Variants in WDPCP observed in about 807,000 individuals in gnomAD.
WDPCP encodes the protein WD repeat containing planar cell polarity effector.
In WDPCP, 71 loss-of-function variants were observed where a neutral mutation model predicts 93.1. The observed-to-expected ratio is 0.76, with a 90% CI of 0.63 to 0.93. The LOEUF is 0.93. Ranked by LOEUF, WDPCP falls within the 40% of genes least tolerant of loss-of-function variation. WDPCP has a pLI of 0.00. For missense variants in WDPCP, 844 were observed against 887.4 expected, an observed-to-expected ratio of 0.95 and a Z score of 0.62; for synonymous variants, 315 against 315.0, an observed-to-expected ratio of 1.00 and a Z score of 0.00.
At chr2:63,807,490 G>A (rs1038740686) in intron 2 of WDPCP, among the ~76,000 whole-genome samples, 9 of 152,084 alleles carry the variant, frequency 5.9e-5, no homozygotes, top group Admixed American at 2.6e-4. Context: ...CTGGCACCAC[G>A]CTTCTTATAT....
chr2:63,428,098 A>T (rs1696454230), intron 9 of WDPCP, among the ~76,000 whole-genome samples: 1 of 151,922 alleles, frequency 6.6e-6, no homozygotes, highest in South Asian at 2.1e-4. Flanking sequence ...CCTACCAACC[A>T]AAAAAAGCCT....
intron 3 of WDPCP, among the ~76,000 whole-genome samples, chr2:63,632,422 T>C (rs1384020900): frequency 6.6e-6 from 1 of 152,104 alleles, no homozygotes; most frequent in Non-Finnish European, 1.5e-5. Context: ...AAAATAATTG[T>C]TTAAAGGAAG....
intron 2 of WDPCP, chr2:63,813,526 G>A (rs1006333207): frequency 2.0e-5 from 3 of 152,118 alleles, no homozygotes. Context: ...TCCACAAACA[G>A]GACATGCCTA....
At chr2:63,450,619 C>T (rs1419185616) in intron 6 of WDPCP, among the ~76,000 whole-genome samples, 1 of 152,190 alleles carries the variant, frequency 6.6e-6, no homozygotes, top group African/African-American at 2.4e-5. Context: ...CCCACCACTA[C>T]TACCACTGGG....
rs899772588 is a variant in WDPCP at position 63,749,235 on chromosome 2, T to C, written n.308+64387A>G. On this transcript the variant is annotated intron_variant and non_coding_transcript_variant, in intron 2 of 4. Coordinates refer to the WDPCP transcript ENST00000467687. ...GAAAGTCCTTGTCTTTGTTTCCTGC[T>C]CTGTGGGCTCTGTAGATTCAGGATA... Among the ~76,000 whole-genome samples, 3 of 152,064 alleles carry C rather than the reference T, an allele frequency of 2.0e-5. No individual in the cohort carries two copies. The South Asian group carries it at 6.2e-4, about 31-fold the overall frequency.
At chr2:63,835,232 A>G in the WDPCP span, among the ~76,000 whole-genome samples, 1 of 151,730 alleles carries the variant, frequency 6.6e-6, no homozygotes, top group Non-Finnish European at 1.5e-5. Context: ...ACCAAAAAAA[A>G]TACAAAAATT....
intron 3 of WDPCP, among the ~76,000 whole-genome samples, chr2:63,620,893 C>T (rs977428421): frequency 2.0e-5 from 3 of 152,198 alleles, no homozygotes; most frequent in Non-Finnish European, 2.9e-5. Context: ...TGCAGTGGAC[C>T]TCCAGCAAAC....
chr2:63,752,646 G>T, intron 2 of WDPCP: 1 of 455,176 alleles, frequency 2.2e-6, no homozygotes, highest in East Asian at 3.6e-5. Flanking sequence ...GGTGGGAAGA[G>T]ACTTTAGCAA....
intron 17 of WDPCP, among the ~76,000 whole-genome samples, chr2:63,123,649 G>A (rs1267726379): frequency 2.0e-5 from 3 of 151,764 alleles, no homozygotes; most frequent in African/African-American, 7.3e-5. Flanking sequence ...TACCTTAGAC[G>A]GATATTTTGA....
At chr2:63,296,766 CA>C (rs1684896833) in intron 13 of WDPCP, among the ~76,000 whole-genome samples, 1 of 151,912 alleles carries the variant, frequency 6.6e-6, no homozygotes, top group African/African-American at 2.4e-5. Flanking sequence ...AGGAGAACCA[CA>C]AATGCTGATA....
At chr2:63,355,912 C>T (rs1689989316) in intron 12 of WDPCP, among the ~76,000 whole-genome samples, 1 of 151,836 alleles carries the variant, frequency 6.6e-6, no homozygotes, top group Admixed American at 6.6e-5. Flanking sequence ...CAAAAAAACC[C>T]CACATATATC....
chr2:63,577,053 A>T (rs192936185), intron 1 of WDPCP, among the ~76,000 whole-genome samples: 150 of 152,322 alleles, frequency 9.8e-4, no homozygotes, highest in Middle Eastern at 3.4e-3. Flanking sequence ...CTTTTTAAAG[A>T]TCCCTTTGCA....
chr2:63,665,511 A>G (rs928178448), intron 2 of WDPCP, among the ~76,000 whole-genome samples: 1 of 152,160 alleles, frequency 6.6e-6, no homozygotes, highest in Admixed American at 6.5e-5. Flanking sequence ...AACTAATTAC[A>G]TCTATTATAC....
At chr2:63,722,496 C>T (rs1442000727) in intron 2 of WDPCP, among the ~76,000 whole-genome samples, 3 of 148,568 alleles carry the variant, frequency 2.0e-5, no homozygotes, top group African/African-American at 7.4e-5. Flanking sequence ...CGCCCGGCAG[C>T]CGCCCCGTCT....
At chr2:63,779,382 T>C (rs939909766) in intron 2 of WDPCP, among the ~76,000 whole-genome samples, 1 of 152,214 alleles carries the variant, frequency 6.6e-6, no homozygotes, top group African/African-American at 2.4e-5. Context: ...GAACAACAGA[T>C]GTTGGAATCT....
chr2:63,354,046 C>T (rs1042282737), intron 12 of WDPCP, among the ~76,000 whole-genome samples: 6 of 152,182 alleles, frequency 3.9e-5, no homozygotes, highest in African/African-American at 1.4e-4. Flanking sequence ...CTCTCTGCCA[C>T]TGCCTCTACA....
At chr2:63,625,153 A>C (rs566336797) in intron 3 of WDPCP, among the ~76,000 whole-genome samples, 1 of 152,332 alleles carries the variant, frequency 6.6e-6, no homozygotes, top group South Asian at 2.1e-4. Context: ...AACTCTCAAT[A>C]ATCTAGGTAT....
At chr2:63,384,274 GAAA>G (rs896168573) in intron 10 of WDPCP, among the ~76,000 whole-genome samples, 3 of 151,826 alleles carry the variant, frequency 2.0e-5, no homozygotes, top group African/African-American at 7.3e-5. Context: ...TCTCAGCTGA[GAAA>G]AAAAGAGAGA....
intron 1 of WDPCP, among the ~76,000 whole-genome samples, chr2:63,558,527 CAAAAAAAAAA>C (rs57582852): frequency 0.81 from 116,821 of 143,444 alleles, 46,226 homozygotes; most frequent in East Asian, 0.98. Flanking sequence ...GACTCTGTCT[CAAAAAAAAAA>C]AAAAAAAAGA....
Sources: allele counts gnomAD v4.1 joint callset (sites outside exome capture counted in the v4.1 genomes callset), GRCh38; gene constraint gnomAD v4.1.1; transcripts MANE v1.5; gene names NCBI Gene and HGNC (gene_info 2026-07-23, HGNC 2026-07-21).